CHST11: variants seen among roughly 807,000 people sequenced by gnomAD.
The protein encoded by CHST11 is carbohydrate sulfotransferase 11, also known as C4S-1.
A neutral mutation model predicts 30.4 loss-of-function variants in CHST11; 9 were observed. The ratio of observed to expected loss-of-function variants is 0.30; its 90% CI spans 0.18 to 0.52. The LOEUF (loss-of-function observed/expected upper bound fraction) is 0.52. CHST11 is among the 20% of genes least tolerant of loss of function. The probability of loss-of-function intolerance (pLI) is 0.97; values close to 1 mark genes in which losing one functional copy is unlikely to be tolerated. For synonymous variants in CHST11, 152 were observed against 187.8 expected, an observed-to-expected ratio of 0.81 and a Z score of 1.56; for missense variants, 348 against 460.6, an observed-to-expected ratio of 0.76 and a Z score of 2.24.
intron 2 of CHST11, among the ~76,000 whole-genome samples, chr12:104,723,220 A>G (rs2040192154): frequency 6.6e-6 from 1 of 152,168 alleles, no homozygotes; most frequent in Admixed American, 6.5e-5. Context: ...AATACTCACG[A>G]TATCCCTAAT....
chr12:104,724,911 C>T (rs926419483), intron 2 of CHST11, among the ~76,000 whole-genome samples: 1 of 152,046 alleles, frequency 6.6e-6, no homozygotes, highest in African/African-American at 2.4e-5. Flanking sequence ...TCTGCAACTC[C>T]CATTTAACTA....
rs779516198 is a variant in CHST11, at chr12:104,600,809, C to A, written c.119-1097C>A. 7.2e-5 allele frequency among the ~76,000 whole-genome samples: 11 copies of A among 152,184 alleles called. No homozygotes were observed. The highest frequency in any genetic ancestry group is 1.3e-4 in the Non-Finnish European group (9 of 68,026). On this transcript the variant is annotated intron_variant, in intron 1 of 2. Coordinates refer to ENST00000303694, the MANE Select transcript of CHST11 (RefSeq NM_018413.6). This position sits in a 1 kb window ranked among gnomAD's most constrained non-coding sequence, Gnocchi z 4.1. ...CAAACCATAAGAAAACTGCCTCGTA[C>A]TTGAGAAGAAAGCCCCATTTATTCT...
chr12:104,653,020 C>G (rs567035288), intron 2 of CHST11, among the ~76,000 whole-genome samples: 32 of 152,194 alleles, frequency 2.1e-4, no homozygotes, highest in African/African-American at 6.7e-4. Context: ...CTAAAATGTG[C>G]CATCGTAACC....
At chr12:104,679,546 C>T (rs2039774978) in intron 2 of CHST11, among the ~76,000 whole-genome samples, 1 of 152,110 alleles carries the variant, frequency 6.6e-6, no homozygotes, top group African/African-American at 2.4e-5. Flanking sequence ...TGGAGAGAGC[C>T]CTCATGCGAA....
Position 104,544,166 on chromosome 12 carries a change from G to A in CHST11, c.119-57740G>A, listed in dbSNP as rs76823697. 4.4e-4 allele frequency among the ~76,000 whole-genome samples: 14 copies of A among 31,936 alleles called. 3 individuals carry two copies. Among genetic ancestry groups the A allele is most frequent in the South Asian group, 4.6e-3 (1 of 218 alleles). 21.0% of individuals were successfully genotyped at this position (31,936 alleles called of 152,430 possible). A position where few individuals can be genotyped will look rare whatever the true frequency, so the allele number is the denominator to read the frequency against. ...AGAAAGAAAGAAAGAAAGAAAGAAAGAAAGAAAGAAAGAAAGACCTGAAAA... is the reference window on the plus strand; with the variant it reads ...AGAAAGAAAGAAAGAAAGAAAGAAAAAAAGAAAGAAAGAAAGACCTGAAAA... On this transcript the variant is annotated intron_variant, in intron 1 of 2. Coordinates refer to ENST00000303694, the MANE Select transcript of CHST11 (RefSeq NM_018413.6).
intron 2 of CHST11, among the ~76,000 whole-genome samples, chr12:104,687,295 G>A (rs1243030026): frequency 6.6e-6 from 1 of 152,208 alleles, no homozygotes; most frequent in African/African-American, 2.4e-5. Flanking sequence ...GACTGAATTC[G>A]TAAAAGCACC....
intron 1 of CHST11, among the ~76,000 whole-genome samples, chr12:104,553,738 C>T (rs915897630): frequency 2.6e-5 from 4 of 152,170 alleles, no homozygotes; most frequent in Non-Finnish European, 5.9e-5. Context: ...CCCAGCATTG[C>T]GAATTACAAT....
At chr12:104,691,247 A>C (rs1436225837) in intron 2 of CHST11, among the ~76,000 whole-genome samples, 2 of 152,064 alleles carry the variant, frequency 1.3e-5, no homozygotes. Context: ...TCAGCTCTGG[A>C]TGGGCTGTGA....
chr12:104,463,827 C>T (rs2037432204), intron 1 of CHST11, among the ~76,000 whole-genome samples: 1 of 152,096 alleles, frequency 6.6e-6, no homozygotes, highest in Non-Finnish European at 1.5e-5. Context: ...AATCTGGTCC[C>T]TGAGGCAAGA....
chr12:104,489,289 G>A (rs1482900684), intron 1 of CHST11, among the ~76,000 whole-genome samples: 2 of 151,922 alleles, frequency 1.3e-5, no homozygotes, highest in Admixed American at 1.3e-4. Context: ...TGCCTGCCTC[G>A]GCCTCCCCAA....
At chr12:104,581,269 G>C (rs1299338623) in intron 1 of CHST11, among the ~76,000 whole-genome samples, 1 of 152,168 alleles carries the variant, frequency 6.6e-6, no homozygotes, top group African/African-American at 2.4e-5. Context: ...ACAACCTCAA[G>C]CTTGGCCAGG....
At chr12:104,745,171 G>A (rs1170996258) in intron 2 of CHST11, among the ~76,000 whole-genome samples, 1 of 152,176 alleles carries the variant, frequency 6.6e-6, no homozygotes, top group Non-Finnish European at 1.5e-5. Flanking sequence ...ACCACGCCCG[G>A]CCCCTAGCAC....
Position 104,757,888 on chromosome 12 carries a change from T to C in CHST11, c.*85T>C, listed in dbSNP as rs2040493258. 6 of 1,333,162 alleles carry C rather than the reference T, an allele frequency of 4.5e-6. No individual in the cohort carries two copies. Among genetic ancestry groups the C allele is most frequent in the East Asian group, 2.4e-5 (1 of 42,056 alleles). 82.6% of individuals were successfully genotyped at this position (1,333,162 alleles called of 1,614,324 possible). ...GAATTATATGGATATTGGGTTATTT[T>C]GTAAATTAATATTTCTTTGGGGATG... On this transcript the variant is annotated 3_prime_UTR_variant, in exon 3 of 3. Coordinates refer to ENST00000303694, the MANE Select transcript of CHST11 (RefSeq NM_018413.6). This position sits in a 1 kb window ranked among gnomAD's most constrained non-coding sequence, Gnocchi z 6.5.
At chr12:104,706,009 G>A (rs886228468) in intron 2 of CHST11, among the ~76,000 whole-genome samples, 3 of 151,726 alleles carry the variant, frequency 2.0e-5, no homozygotes, top group South Asian at 2.1e-4. Flanking sequence ...TTGCTTGAGT[G>A]CAGAAGTTTG....
At chr12:104,666,830 G>A (rs147118191) in intron 2 of CHST11, among the ~76,000 whole-genome samples, 1 of 150,742 alleles carries the variant, frequency 6.6e-6, no homozygotes, top group Non-Finnish European at 1.5e-5. Flanking sequence ...TTTTTTCACC[G>A]TTCTACAGTA....
chr12:104,560,543 C>A (rs1230720557), intron 1 of CHST11, among the ~76,000 whole-genome samples: 1 of 152,134 alleles, frequency 6.6e-6, no homozygotes, highest in Non-Finnish European at 1.5e-5. Context: ...ACGGTCATAC[C>A]TCAGCAGGCA....
intron 2 of CHST11, among the ~76,000 whole-genome samples, chr12:104,672,984 A>C (rs1029053969): frequency 3.3e-5 from 5 of 152,212 alleles, no homozygotes; most frequent in African/African-American, 1.2e-4. Context: ...GGAGGCCAGA[A>C]GTCCAAAATC....
intron 2 of CHST11, among the ~76,000 whole-genome samples, chr12:104,690,631 G>T (rs2039888881): frequency 6.6e-6 from 1 of 152,120 alleles, no homozygotes; most frequent in African/African-American, 2.4e-5. Flanking sequence ...TTCTAGACCG[G>T]CCTGGGCAAC....
chr12:104,666,403 C>T (rs1592826792), intron 2 of CHST11, among the ~76,000 whole-genome samples: 2 of 152,224 alleles, frequency 1.3e-5, no homozygotes, highest in South Asian at 2.1e-4. Context: ...TATTGTGAAA[C>T]GTGGGCAGGC....
Sources: gnomAD v4.1 joint callset for allele counts (sites outside exome capture counted in the v4.1 genomes callset) on GRCh38, gnomAD v4.1.1 for gene constraint, Gnocchi (gnomAD v3.1) non-coding constraint, MANE v1.5 for transcripts, NCBI Gene and HGNC (gene_info 2026-07-23, HGNC 2026-07-21) for gene names.